The following SGSM3 variants were observed in gnomAD, a reference collection of about 807,000 sequenced individuals.
SGSM3 encodes RUN and SH3 containing 3.
In SGSM3, 96 loss-of-function variants were observed where a neutral mutation model predicts 100.5. That is an observed-to-expected ratio of 0.96 (90% confidence interval 0.81 to 1.13). SGSM3 has a LOEUF of 1.13. Among genes scored for constraint, SGSM3 ranks in the 50% most tolerant of loss-of-function variants. The pLI is 0.00. For synonymous variants in SGSM3, 483 were observed against 422.8 expected, an observed-to-expected ratio of 1.14 and a Z score of -1.75; for missense variants, 1,001 against 1,015.8, an observed-to-expected ratio of 0.99 and a Z score of 0.20.
At chr22:40,408,551 G>A in intron 16 of SGSM3, 76 bp from the exon 17 acceptor site, 2 of 1,594,636 alleles carry the variant, frequency 1.3e-6, no homozygotes, top group South Asian at 2.2e-5. Flanking sequence ...CGTGGTGACA[G>A]GTGCCCAGTC....
At chr22:40,397,281 A>G (rs2050167806) in intron 1 of SGSM3, among the ~76,000 whole-genome samples, 1 of 152,104 alleles carries the variant, frequency 6.6e-6, no homozygotes, top group Non-Finnish European at 1.5e-5. Flanking sequence ...TATATCCAGA[A>G]TCTGGCTGGG....
intron 1 of SGSM3, chr22:40,372,944 T>G (rs1369819786): frequency 2.6e-5 from 4 of 152,238 alleles, no homozygotes; most frequent in African/African-American, 9.7e-5. Flanking sequence ...CATGAGCTCA[T>G]GCAGACTGTC....
intron 1 of SGSM3, among the ~76,000 whole-genome samples, chr22:40,377,251 G>A (rs1334829333): frequency 3.9e-5 from 6 of 152,222 alleles, no homozygotes; most frequent in East Asian, 1.9e-4. Context: ...TAGGCAAATA[G>A]ATGCTTTCCT....
chr22:40,404,857 T>G (rs914425020), intron 6 of SGSM3, among the ~76,000 whole-genome samples, 193 bp downstream of exon 6: 3 of 152,130 alleles, frequency 2.0e-5, no homozygotes, highest in Non-Finnish European at 4.4e-5. Flanking sequence ...GGCTTGGAGA[T>G]GGGGTTCCCA....
At chr22:40,371,855 C>G (rs2045562034) in intron 1 of SGSM3, among the ~76,000 whole-genome samples, 1 of 151,844 alleles carries the variant, frequency 6.6e-6, no homozygotes, top group Non-Finnish European at 1.5e-5. Flanking sequence ...CGCCACCACG[C>G]CCGGCTAATT....
chr22:40,400,635 CTCTG>C (rs1491272128), intron 1 of SGSM3, 57 bp from the exon 2 acceptor site: 4 of 635,156 alleles, frequency 6.3e-6, no homozygotes, highest in East Asian at 6.7e-5. Flanking sequence ...CCAAGCGAGA[CTCTG>C]TCTAAAAAAA....
intron 1 of SGSM3, among the ~76,000 whole-genome samples, chr22:40,398,628 G>A (rs1035021555): frequency 7.1e-6 from 1 of 141,634 alleles, no homozygotes; most frequent in African/African-American, 2.6e-5. Context: ...ATACACAGTT[G>A]TCATTTTTCT....
At chr22:40,372,921 C>CT (rs2045872391) in intron 1 of SGSM3, 1 of 152,182 alleles carries the variant, frequency 6.6e-6, no homozygotes, top group Non-Finnish European at 1.5e-5. Context: ...AGTAATTTTC[C>CT]ACAGCAGCCA....
chr22:40,405,659 G>T lies in SGSM3; in HGVS notation c.629G>T (p.Cys210Phe), dbSNP rs200166891. The T allele has an allele frequency of 6.2e-7, 1 of 1,612,974 alleles. No individual in the cohort carries two copies. The highest frequency in any genetic ancestry group is 1.7e-5 in the Admixed American group (1 of 59,956). ...CTGTGCCCTGGCCAGGTGGCCGCCT[G>T]CCTCCTGCTGTTCCTGGAGGAGGAG... Reference protein sequence around the residue: ...YCQGTGMVAACLLLFLEEEDA... With the variant: ...YCQGTGMVAAFLLLFLEEEDA... Residue 210 changes from cysteine (C) to phenylalanine (F), a missense_variant, in exon 8 of 22, where the codon TGC (cysteine) becomes TTC (phenylalanine). Coordinates refer to ENST00000248929, the MANE Select transcript of SGSM3 (RefSeq NM_015705.6).
In SGSM3 at chr22:40,401,630, G is replaced by A; in HGVS notation, c.45G>A (p.Leu15=). Residue 15 remains leucine, a synonymous_variant, in exon 3 of 22, where the codon CTG becomes CTA. Transcript: ENST00000248929. ...CTGCCTGTGGCCCTTTCTCAGCCCT[G>A]ACTCCGAGCATATGGCCCCAGGAGA... ...HTPACGPFSA[L]TPSIWPQEIL... is the part of the protein sequence containing the mutation. The A allele has an allele frequency of 6.2e-7, 1 of 1,613,452 alleles. No individual in the cohort carries two copies. Among genetic ancestry groups the A allele is most frequent in the Non-Finnish European group, 8.5e-7 (1 of 1,179,572 alleles).
In SGSM3 at chr22:40,407,800, G is replaced by C. The variant is rs1194122027; in HGVS notation, c.1536G>C (p.Gln512His). Residue 512 changes from glutamine (Q) to histidine (H), a missense_variant, in exon 14 of 22, where the codon CAG (glutamine) becomes CAC (histidine). Gln to His is a conservative substitution (Grantham distance 24, BLOSUM62 0). Coordinates refer to ENST00000248929, the MANE Select transcript of SGSM3 (RefSeq NM_015705.6). This position sits in a 1 kb window ranked among gnomAD's most constrained non-coding sequence, Gnocchi z 4.7. ...TTCCTCCTGTGCAGATCGTGTCTCA[G>C]AAGGACGAGCACTGCTGGGTGGGGG... Reference protein sequence around the residue: ...RKNDIITIVSQKDEHCWVGEL... With the variant: ...RKNDIITIVSHKDEHCWVGEL... The C allele has an allele frequency of 6.2e-7, 1 of 1,613,890 alleles. No homozygotes were observed. Among genetic ancestry groups the C allele is most frequent in the East Asian group, 2.2e-5 (1 of 44,894 alleles).
intron 1 of SGSM3, 104 bp downstream of exon 1, chr22:40,370,792 T>A (rs1032269964): frequency 6.6e-6 from 1 of 151,972 alleles, no homozygotes; most frequent in African/African-American, 2.4e-5. Context: ...CCGAGGGTCG[T>A]ATGGGCCGAA....
Position 40,395,325 on chromosome 22 carries a change from C to CT in SGSM3, c.-111-5356dup, listed in dbSNP as rs777306889. ...TAAGCATTTAAATTACCCCATAACT[C>CT]TTTTTTTTTTTTTTTAGACAGGATC... On this transcript the variant is annotated intron_variant, in intron 1 of 21. Coordinates refer to ENST00000248929, the MANE Select transcript of SGSM3 (RefSeq NM_015705.6). Among the ~76,000 whole-genome samples the CT allele has an allele frequency of 3.3e-3, 464 of 141,164 alleles. 2 individuals are homozygous for CT. The highest frequency in any genetic ancestry group is 5.3e-3 in the Admixed American group (74 of 14,062). 92.6% of individuals were successfully genotyped at this position (141,164 alleles called of 152,430 possible). A position where few individuals can be genotyped will look rare whatever the true frequency, so the allele number is the denominator to read the frequency against.
chr22:40,377,779 A>G (rs2046884038), intron 1 of SGSM3, among the ~76,000 whole-genome samples: 2 of 151,710 alleles, frequency 1.3e-5, no homozygotes, highest in Admixed American at 1.3e-4. Context: ...TTGGGAGGTC[A>G]AGGCTGCAGT....
At position 40,406,056 on chromosome 22, in the gene SGSM3, G is replaced by A. The variant is rs1160322111; in HGVS notation, c.815-22G>A. 5 of 1,608,422 alleles carry A rather than the reference G, an allele frequency of 3.1e-6. No homozygotes were observed. The East Asian group carries it at 6.7e-5, about 22-fold the overall frequency. On this transcript the variant is annotated intron_variant, in intron 8 of 21. Coordinates refer to ENST00000248929, the MANE Select transcript of SGSM3 (RefSeq NM_015705.6). ...GGTTTCCACCACCTCCTCCCCAGCG[G>A]CTTTGGCTCCTGTGTTTACAGAGCT...
intron 1 of SGSM3, among the ~76,000 whole-genome samples, chr22:40,380,548 A>G (rs962353807): frequency 6.6e-6 from 1 of 151,786 alleles, no homozygotes; most frequent in African/African-American, 2.4e-5. Flanking sequence ...TGTATTTCTA[A>G]TAGAGATGGG....
chr22:40,378,973 C>T (rs984487887), intron 1 of SGSM3, among the ~76,000 whole-genome samples: 17 of 152,204 alleles, frequency 1.1e-4, no homozygotes, highest in Non-Finnish European at 1.2e-4. Context: ...ATCAGCTCCT[C>T]ACCTTCTTCA....
rs1364368267 is a variant in SGSM3 at position 40,409,757 on chromosome 22, T to G, written c.2248T>G (p.Ter750GlyextTer69). The G allele has an allele frequency of 1.2e-6, 2 of 1,606,908 alleles. No individual in the cohort carries two copies. Among genetic ancestry groups the G allele is most frequent in the African/African-American group, 2.7e-5 (2 of 74,992 alleles). The change falls in exon 22 of 22, where the codon TGA (stop) becomes GGA (glycine). Residue 750 changes from the stop codon to glycine (G), a stop_lost. Coordinates refer to ENST00000248929, the MANE Select transcript of SGSM3 (RefSeq NM_015705.6). ...HHLFSWDVDG[*>G] ...CCTCTTCAGCTGGGATGTGGACGGG[T>G]GACCCCCTCCTCCCCAGCCCAACCT... is the stretch of plus-strand genomic sequence containing the variant.
In SGSM3 at chr22:40,403,957, G is replaced by A. The variant is rs140975863; in HGVS notation, c.158-290G>A. On this transcript the variant is annotated intron_variant, in intron 4 of 21. Transcript: ENST00000248929. ...CGAGGGAGGAGCCAGAGGTGACTCC[G>A]AGGTTTAGGCTGAGCATCGGGAGAA... is the stretch of plus-strand genomic sequence containing the variant. 1.3e-4 allele frequency among the ~76,000 whole-genome samples: 20 copies of A among 152,344 alleles called. No individual in the cohort carries two copies. The East Asian group carries it at 1.9e-3, about 15-fold the overall frequency.
Sources: allele counts gnomAD v4.1 joint callset (sites outside exome capture counted in the v4.1 genomes callset), GRCh38; gene constraint gnomAD v4.1.1; non-coding constraint Gnocchi (gnomAD v3.1); transcripts MANE v1.5; gene names NCBI Gene and HGNC (gene_info 2026-07-23, HGNC 2026-07-21).